NLGN1: variants seen among roughly 807,000 people sequenced by gnomAD.
NLGN1 encodes the protein neuroligin 1.
NLGN1 carries 12 observed loss-of-function variants against 65.5 expected under a neutral mutation model. The observed-to-expected ratio is 0.18, with a 90% confidence interval of 0.12 to 0.30. NLGN1 has a LOEUF of 0.30. NLGN1 is among the 10% of genes least tolerant of loss of function. NLGN1 has a pLI of 1.00. For missense variants in NLGN1, 750 were observed against 1,007.1 expected, an observed-to-expected ratio of 0.74 and a Z score of 3.46; for synonymous variants, 350 against 359.5, an observed-to-expected ratio of 0.97 and a Z score of 0.30.
chr3:173,806,991 G>T (rs1578533953), intron 3 of NLGN1, among the ~76,000 whole-genome samples: 2 of 152,222 alleles, frequency 1.3e-5, no homozygotes, highest in East Asian at 3.9e-4. Context: ...CTTCCAAAGG[G>T]TAAGGAGAGC....
At chr3:173,659,930 A>C (rs1760677301) in intron 3 of NLGN1, among the ~76,000 whole-genome samples, 1 of 152,090 alleles carries the variant, frequency 6.6e-6, no homozygotes. Context: ...CTTGCAGGCT[A>C]AATGTGACTC....
At chr3:173,917,591 G>A (rs1205065084) in intron 4 of NLGN1, among the ~76,000 whole-genome samples, 1 of 152,066 alleles carries the variant, frequency 6.6e-6, no homozygotes, top group Non-Finnish European at 1.5e-5. Context: ...ATCCTTCTTT[G>A]CCTCTATATT....
chr3:174,205,548 T>C (rs958885880), intron 4 of NLGN1, among the ~76,000 whole-genome samples: 7 of 152,234 alleles, frequency 4.6e-5, no homozygotes, highest in Non-Finnish European at 8.8e-5. Flanking sequence ...GTGATTTTGC[T>C]GTCATAGTAT....
At chr3:174,181,778 T>TACACACACACACACACACACACACAC (rs3035853) in intron 4 of NLGN1, among the ~76,000 whole-genome samples, 1 of 142,592 alleles carries the variant, frequency 7.0e-6, no homozygotes, top group African/African-American at 2.6e-5. Flanking sequence ...AAAATAAAAA[T>TACACACACACACACACACACACACAC]ACACACACAC....
At chr3:173,962,761 C>T (rs938625147) in intron 4 of NLGN1, among the ~76,000 whole-genome samples, 17 of 152,074 alleles carry the variant, frequency 1.1e-4, no homozygotes, top group Non-Finnish European at 2.9e-5. Flanking sequence ...CAAAGTTATC[C>T]TTCTGATACA....
chr3:173,486,219 TA>T (rs898934799), intron 2 of NLGN1, among the ~76,000 whole-genome samples: 1 of 151,960 alleles, frequency 6.6e-6, no homozygotes, highest in African/African-American at 2.4e-5. Flanking sequence ...TTTTTTATTT[TA>T]TTTTTTTAGC....
chr3:173,485,863 T>A (rs1224575593), intron 2 of NLGN1, among the ~76,000 whole-genome samples: 1 of 152,150 alleles, frequency 6.6e-6, no homozygotes, highest in African/African-American at 2.4e-5. Flanking sequence ...ATATCTTTCC[T>A]TATATATTTT....
At chr3:173,735,895 C>CT (rs1169080644) in intron 3 of NLGN1, among the ~76,000 whole-genome samples, 1 of 151,928 alleles carries the variant, frequency 6.6e-6, no homozygotes, top group Admixed American at 6.6e-5. Context: ...TTTTGAAATG[C>CT]TTTTTTGTGT....
chr3:173,519,232 AG>A (rs1002078464), intron 2 of NLGN1, among the ~76,000 whole-genome samples: 23 of 152,230 alleles, frequency 1.5e-4, no homozygotes, highest in African/African-American at 5.5e-4. Flanking sequence ...AAGCTGCTGC[AG>A]GGGTAGGGCC....
At position 174,059,201 on chromosome 3, in the gene NLGN1, A is replaced by T. The variant is rs539990218; in HGVS notation, c.647-216114A>T. ...CTATGGCAGAGAGCCTGACGGGGTA[A>T]ATGGTGCAATCTAGTACTTCTTCCT... On this transcript the variant is annotated intron_variant, in intron 4 of 6. Coordinates refer to ENST00000457714, the Ensembl canonical transcript of NLGN1. Among the ~76,000 whole-genome samples, 8 of 152,136 alleles carry T rather than the reference A, an allele frequency of 5.3e-5. No homozygotes were observed. The East Asian group carries it at 1.4e-3, about 26-fold the overall frequency.
chr3:173,604,441 G>A lies in NLGN1; in HGVS notation c.-158G>A. 1 of 725,882 alleles carries A rather than the reference G, an allele frequency of 1.4e-6. No individual in the cohort carries two copies. The highest frequency in any genetic ancestry group is 1.7e-5 in the South Asian group (1 of 58,066). The allele number at this position is 725,882 out of a possible 1,614,324, so 45.0% of individuals were successfully genotyped here. ...CTGCTCCAATACATGTGAAATCAAT[G>A]GGAGATATCTGCTGTCTGAAGATCT... On this transcript the variant is annotated 5_prime_UTR_variant, in exon 3 of 7. The change abolishes an upstream ATG in the 5' untranslated region. Transcript: ENST00000457714.
At chr3:173,646,825 T>G (rs1287597023) in intron 3 of NLGN1, among the ~76,000 whole-genome samples, 1 of 152,158 alleles carries the variant, frequency 6.6e-6, no homozygotes, top group African/African-American at 2.4e-5. Context: ...TAAAATACTG[T>G]CAAATTTAAC....
At chr3:173,747,057 T>TACAC (rs765173809) in intron 3 of NLGN1, among the ~76,000 whole-genome samples, 2 of 81,752 alleles carry the variant, frequency 2.4e-5, no homozygotes, top group South Asian at 4.7e-4. Flanking sequence ...AAAAATTATA[T>TACAC]ATACACACAC....
chr3:173,698,658 T>A (rs564092785), intron 3 of NLGN1, among the ~76,000 whole-genome samples: 52 of 152,348 alleles, frequency 3.4e-4, no homozygotes, highest in African/African-American at 1.2e-3. Context: ...TAATTTTTTT[T>A]CTATTTTATG....
intron 4 of NLGN1, among the ~76,000 whole-genome samples, chr3:174,221,324 T>C (rs1364296846): frequency 6.6e-6 from 1 of 152,124 alleles, no homozygotes; most frequent in Non-Finnish European, 1.5e-5. Context: ...TTGCCCTGCA[T>C]ACTAATCACA....
intron 2 of NLGN1, among the ~76,000 whole-genome samples, chr3:173,527,676 C>T (rs111578174): frequency 0.08 from 12,200 of 152,226 alleles, 1,546 homozygotes; most frequent in African/African-American, 0.27. Context: ...GGATTACAGG[C>T]GTGAGCCACT....
At chr3:174,287,060 A>G (rs560029340), downstream of NLGN1, among the ~76,000 whole-genome samples, 1 of 151,622 alleles carries the variant, frequency 6.6e-6, no homozygotes, top group Non-Finnish European at 1.5e-5. Flanking sequence ...ATCCCTTTAA[A>G]TCATAAATCT....
Position 173,821,841 on chromosome 3 carries a change from A to C in NLGN1, c.646+14009A>C, listed in dbSNP as rs563024652. Reference sequence around the variant, plus strand: ...TATTTAGGAAAGTAATTAAATAAATAATTCATTTACCTATTTTTACCCTTC... The same window carrying C: ...TATTTAGGAAAGTAATTAAATAAATCATTCATTTACCTATTTTTACCCTTC... On this transcript the variant is annotated intron_variant, in intron 4 of 6. Coordinates refer to ENST00000457714, the Ensembl canonical transcript of NLGN1. Among the ~76,000 whole-genome samples the C allele has an allele frequency of 2.0e-5, 3 of 152,310 alleles. No individual in the cohort carries two copies. The South Asian group carries it at 6.2e-4, about 32-fold the overall frequency.
At chr3:174,075,041 C>A (rs1452903977) in intron 4 of NLGN1, among the ~76,000 whole-genome samples, 1 of 152,134 alleles carries the variant, frequency 6.6e-6, no homozygotes, top group East Asian at 1.9e-4. Context: ...GCTGTGGCAT[C>A]AGAACAAGCC....
Sources: allele counts gnomAD v4.1 joint callset (sites outside exome capture counted in the v4.1 genomes callset), GRCh38; gene constraint gnomAD v4.1.1; transcripts MANE v1.5; gene names NCBI Gene and HGNC (gene_info 2026-07-23, HGNC 2026-07-21).